The following MED27 variants were observed in gnomAD, a reference collection of about 807,000 sequenced individuals.
The protein encoded by MED27 is mediator complex subunit 27.
Under a neutral mutation model 38.2 loss-of-function variants are expected in MED27, and 30 were observed. The ratio of observed to expected loss-of-function variants is 0.79; its 90% CI spans 0.59 to 1.07. MED27 has a LOEUF of 1.07. MED27 is among the 50% of genes least tolerant of loss of function. The probability of loss-of-function intolerance (pLI) is 0.00; values close to 1 mark genes in which losing one functional copy is unlikely to be tolerated. For synonymous variants in MED27, 122 were observed against 153.5 expected (o/e 0.79, Z 1.52); for missense variants, 289 against 397.5 (o/e 0.73, Z 2.32).
At chr9:132,028,712 A>G (rs1469125486) in intron 2 of MED27, among the ~76,000 whole-genome samples, 3 of 152,126 alleles carry the variant, frequency 2.0e-5, no homozygotes, top group African/African-American at 7.2e-5. Context: ...AATCAAGGAC[A>G]TTATAGCCTT....
At chr9:132,052,674 C>T (rs1001713950) in intron 2 of MED27, among the ~76,000 whole-genome samples, 4 of 150,128 alleles carry the variant, frequency 2.7e-5, no homozygotes, top group South Asian at 2.2e-4. Context: ...TCCCACCCTC[C>T]CACCTTTCTC....
chr9:131,886,814 G>A (rs935323215), intron 5 of MED27, among the ~76,000 whole-genome samples: 1 of 152,180 alleles, frequency 6.6e-6, no homozygotes, highest in Middle Eastern at 3.2e-3. Flanking sequence ...TTAGCACAGG[G>A]CTTAACAAAT....
intron 4 of MED27, among the ~76,000 whole-genome samples, chr9:131,931,065 T>C (rs1318217495): frequency 6.6e-6 from 1 of 151,900 alleles, no homozygotes; most frequent in African/African-American, 2.4e-5. Flanking sequence ...GGTAACATGG[T>C]GAAACCTGTC....
intron 3 of MED27, among the ~76,000 whole-genome samples, chr9:131,949,862 G>A (rs1371979012): frequency 2.0e-5 from 3 of 152,122 alleles, no homozygotes; most frequent in Non-Finnish European, 2.9e-5. Flanking sequence ...CTCCTGCTGG[G>A]TTTTTGATTT....
intron 3 of MED27, among the ~76,000 whole-genome samples, chr9:131,973,404 C>A (rs1207850767): frequency 1.3e-5 from 2 of 151,906 alleles, no homozygotes; most frequent in African/African-American, 2.4e-5. Context: ...ATGAAGAAAT[C>A]GGCCGCAGGG....
intron 4 of MED27, among the ~76,000 whole-genome samples, chr9:131,937,296 C>G (rs1271798688): frequency 6.6e-6 from 1 of 152,200 alleles, no homozygotes. Context: ...AAATCACCTA[C>G]CACTGGCCCT....
intron 2 of MED27, among the ~76,000 whole-genome samples, chr9:132,066,840 G>A (rs777729605): frequency 3.3e-5 from 5 of 152,138 alleles, no homozygotes; most frequent in Non-Finnish European, 7.4e-5. Flanking sequence ...ATCTTCTACT[G>A]CCAGAAAGAA....
chr9:132,006,973 C>A (rs1832372028), intron 3 of MED27, among the ~76,000 whole-genome samples: 1 of 152,194 alleles, frequency 6.6e-6, no homozygotes. Context: ...TGGATAAGCA[C>A]CATGTGTAAT....
At position 131,913,047 on chromosome 9, in the gene MED27, A is replaced by C. The variant is rs891839850; in HGVS notation, c.574-19055T>G. Among the ~76,000 whole-genome samples, 2 of 152,250 alleles carry C rather than the reference A, an allele frequency of 1.3e-5. No homozygotes were observed. Among genetic ancestry groups the C allele is most frequent in the African/African-American group, 4.8e-5 (2 of 41,458 alleles). ...CAACTGCACACTAAATTTATCAACA[A>C]AACAATCATTTGATAACGCTTGTGT... On this transcript the variant is annotated intron_variant, in intron 4 of 7. Transcript: ENST00000292035. The surrounding 1 kb of genome is among the most constrained non-coding windows in gnomAD (Gnocchi z 4.5).
At chr9:131,973,738 T>C (rs1831538797) in intron 3 of MED27, among the ~76,000 whole-genome samples, 1 of 152,130 alleles carries the variant, frequency 6.6e-6, no homozygotes, top group South Asian at 2.1e-4. Flanking sequence ...GACGGAGTCT[T>C]GCTCTGTTGC....
Position 131,883,490 on chromosome 9 carries a change from G to A in MED27, c.723+568C>T, listed in dbSNP as rs961446988. On this transcript the variant is annotated intron_variant, in intron 6 of 7. Transcript: ENST00000292035. The surrounding 1 kb of genome is among the most constrained non-coding windows in gnomAD (Gnocchi z 4.2). ...ATTTCCCATAACAGTTTTTCATAAG[G>A]AAGCCCAATATCTGAAAAAGATACA... Among the ~76,000 whole-genome samples the A allele has an allele frequency of 6.6e-6, 1 of 152,074 alleles. No individual in the cohort carries two copies. Among genetic ancestry groups the A allele is most frequent in the African/African-American group, 2.4e-5 (1 of 41,384 alleles).
rs188548216 is a variant in MED27 at position 132,027,693 on chromosome 9, C to T, written c.349-13226G>A. 5.1e-3 allele frequency among the ~76,000 whole-genome samples: 770 copies of T among 152,224 alleles called. 5 individuals are homozygous for T. Among genetic ancestry groups the T allele is most frequent in the African/African-American group, 0.017 (693 of 41,474 alleles). On this transcript the variant is annotated intron_variant, in intron 2 of 7. Transcript: ENST00000292035. ...AAACCTGACGTGAACTGATGTGAGT[C>T]TATTTAAACCTTAATTTATCTCACT...
chr9:132,043,320 A>C (rs1253156392), intron 2 of MED27, among the ~76,000 whole-genome samples: 1 of 151,656 alleles, frequency 6.6e-6, no homozygotes, highest in Non-Finnish European at 1.5e-5. Context: ...TTTTCTTAAA[A>C]AAAAAAAAAG....
At chr9:132,039,191 A>G (rs1833149471) in intron 2 of MED27, among the ~76,000 whole-genome samples, 1 of 152,176 alleles carries the variant, frequency 6.6e-6, no homozygotes, top group South Asian at 2.1e-4. Flanking sequence ...CACAAAGAAC[A>G]CTATTAAGAG....
At chr9:131,958,308 G>A (rs985541478) in intron 3 of MED27, among the ~76,000 whole-genome samples, 8 of 150,978 alleles carry the variant, frequency 5.3e-5, no homozygotes, top group Non-Finnish European at 1.2e-4. Flanking sequence ...GCAATGGCGC[G>A]ATCTCAGCTC....
chr9:132,004,116 G>A (rs1783154094), intron 3 of MED27, among the ~76,000 whole-genome samples: 1 of 152,188 alleles, frequency 6.6e-6, no homozygotes, highest in African/African-American at 2.4e-5. Context: ...ACGCAGCAGG[G>A]GAGCGAATCA....
At position 131,861,764 on chromosome 9, in the gene MED27, GTTCTTTTT is replaced by G. The variant is rs1172089188; in HGVS notation, c.802-1100_802-1093del. 1.2e-5 allele frequency among the ~76,000 whole-genome samples: 1 copy of G among 84,466 alleles called. No individual in the cohort carries two copies. Among genetic ancestry groups the G allele is most frequent in the Non-Finnish European group, 3.0e-5 (1 of 33,358 alleles). 55.4% of individuals were successfully genotyped at this position (84,466 alleles called of 152,430 possible). A position where few individuals can be genotyped will look rare whatever the true frequency, so the allele number is the denominator to read the frequency against. The stretch of plus-strand genomic sequence containing the variant: ...CTGAGTGCTGTGACAGATGTAAATG[GTTCTTTTT>G]TTTTTTTTTTTTTTTTATGAGACCA... On this transcript the variant is annotated intron_variant, in intron 7 of 7. Coordinates refer to ENST00000292035, the MANE Select transcript of MED27 (RefSeq NM_004269.4). This position sits in a 1 kb window ranked among gnomAD's most constrained non-coding sequence, Gnocchi z 4.4.
intron 6 of MED27, among the ~76,000 whole-genome samples, chr9:131,873,370 C>T (rs1838869227): frequency 6.6e-6 from 1 of 152,166 alleles, no homozygotes; most frequent in African/African-American, 2.4e-5. Context: ...TGAAGTCAGC[C>T]CTGACAGTGA....
intron 4 of MED27, among the ~76,000 whole-genome samples, chr9:131,938,012 T>G (rs1201841115): frequency 6.6e-6 from 1 of 152,196 alleles, no homozygotes; most frequent in Non-Finnish European, 1.5e-5. Flanking sequence ...CTCCTTTTCT[T>G]TATGTTTTAA....
Sources: allele counts gnomAD v4.1 joint callset (sites outside exome capture counted in the v4.1 genomes callset), GRCh38; gene constraint gnomAD v4.1.1; non-coding constraint Gnocchi (gnomAD v3.1); transcripts MANE v1.5; gene names NCBI Gene and HGNC (gene_info 2026-07-23, HGNC 2026-07-21).